Variants in ARHGAP15 observed in about 807,000 individuals in gnomAD.
The protein encoded by ARHGAP15 is rho GTPase-activating protein 15.
A neutral mutation model predicts 63.7 loss-of-function variants in ARHGAP15; 51 were observed. The observed-to-expected ratio is 0.80, with a 90% CI of 0.64 to 1.01. The LOEUF (loss-of-function observed/expected upper bound fraction) is 1.01, where lower values mean the gene tolerates loss of function less well. Ranked by LOEUF, ARHGAP15 falls within the 50% of genes least tolerant of loss-of-function variation. The pLI is 0.00. For missense variants in ARHGAP15, 560 were observed against 564.6 expected (o/e 0.99, Z 0.08); for synonymous variants, 191 against 193.8 (o/e 0.99, Z 0.12).
rs536145262 is a variant in ARHGAP15, at chr2:143,563,219, G to T, written c.1003+6734G>T. On this transcript the variant is annotated intron_variant, in intron 11 of 13. Coordinates refer to ENST00000295095, the MANE Select transcript of ARHGAP15 (RefSeq NM_018460.4). ...TGTGAGGACTTTAAAAAGTGAATCA[G>T]CCAGGGGATAGTTATTATTAACTTT... Among the ~76,000 whole-genome samples the T allele has an allele frequency of 1.6e-4, 24 of 152,308 alleles. 1 individual carries two copies. In the South Asian group the frequency reaches 5.0e-3, roughly 32 times the overall value.
chr2:143,387,094 T>C (rs13014455), intron 6 of ARHGAP15, among the ~76,000 whole-genome samples: 29,947 of 151,920 alleles, frequency 0.2, 3,598 homozygotes, highest in East Asian at 0.49. Context: ...TACAACAAAC[T>C]GCCGTGACAC....
At chr2:143,416,523 T>C (rs950132115) in intron 6 of ARHGAP15, among the ~76,000 whole-genome samples, 8 of 152,320 alleles carry the variant, frequency 5.3e-5, no homozygotes, top group Admixed American at 2.6e-4. Flanking sequence ...TCTGTTACTC[T>C]GTCATGCTTG....
chr2:143,337,330 T>C (rs1684848230), intron 6 of ARHGAP15, among the ~76,000 whole-genome samples: 1 of 152,122 alleles, frequency 6.6e-6, no homozygotes, highest in Non-Finnish European at 1.5e-5. Flanking sequence ...GTTAAAGATT[T>C]CATATTTATT....
chr2:143,748,967 A>T (rs1465739830), intron 13 of ARHGAP15, among the ~76,000 whole-genome samples: 5 of 150,622 alleles, frequency 3.3e-5, no homozygotes, highest in Non-Finnish European at 5.9e-5. Context: ...AGAATATCTG[A>T]TTTTTTTTTT....
chr2:143,717,103 C>T (rs1187761868), intron 13 of ARHGAP15, among the ~76,000 whole-genome samples: 1 of 152,168 alleles, frequency 6.6e-6, no homozygotes, highest in Non-Finnish European at 1.5e-5. Context: ...ACACTTAGAG[C>T]ACGTTTTTTT....
At chr2:143,413,966 T>TGTGTGCGCGCGCACGCGCGCGC in intron 6 of ARHGAP15, among the ~76,000 whole-genome samples, 3 of 117,910 alleles carry the variant, frequency 2.5e-5, no homozygotes, top group African/African-American at 1.1e-4. Flanking sequence ...TGTGTGTGTG[T>TGTGTGCGCGCGCACGCGCGCGC]GCGCGCTCTC....
At chr2:143,376,798 C>T (rs1686829265) in intron 6 of ARHGAP15, among the ~76,000 whole-genome samples, 1 of 151,940 alleles carries the variant, frequency 6.6e-6, no homozygotes, top group Non-Finnish European at 1.5e-5. Context: ...AAAACATAAA[C>T]CTGGTCTCAG....
chr2:143,521,383 C>T (rs1036298532), intron 10 of ARHGAP15, among the ~76,000 whole-genome samples: 1 of 152,058 alleles, frequency 6.6e-6, no homozygotes, highest in Non-Finnish European at 1.5e-5. Context: ...GATTAATATT[C>T]TTATATTTAT....
chr2:143,440,176 A>C (rs1178749179), intron 8 of ARHGAP15, among the ~76,000 whole-genome samples: 1 of 152,116 alleles, frequency 6.6e-6, no homozygotes, highest in Non-Finnish European at 1.5e-5. Context: ...CACCCACACA[A>C]TATCAAATTA....
At chr2:143,313,620 G>A (rs986714811) in intron 6 of ARHGAP15, among the ~76,000 whole-genome samples, 5 of 152,114 alleles carry the variant, frequency 3.3e-5, no homozygotes, top group East Asian at 1.9e-4. Context: ...AATCAGAAAC[G>A]TAAGGTTTTT....
rs1341013615 is a variant in ARHGAP15, at chr2:143,738,030, TGTTC to T, written c.1245-29955_1245-29952del. 4.6e-5 allele frequency among the ~76,000 whole-genome samples: 7 copies of T among 152,262 alleles called. No individual in the cohort carries two copies. The Middle Eastern group carries it at 0.01, about 222-fold the overall frequency. On this transcript the variant is annotated intron_variant, in intron 13 of 13. Transcript: ENST00000295095. ...ATCTCAGCCTCCCAAAGTTGAAACC[TGTTC>T]GTTTACTGCATTGCAATCCTCAGAA...
At chr2:143,239,600 C>A (rs1574137515) in intron 5 of ARHGAP15, among the ~76,000 whole-genome samples, 2 of 152,132 alleles carry the variant, frequency 1.3e-5, no homozygotes, top group East Asian at 3.9e-4. Context: ...TCAGCCATAA[C>A]CTTGAAAGCA....
chr2:143,137,771 C>G (rs763558656), intron 1 of ARHGAP15, among the ~76,000 whole-genome samples: 9 of 151,978 alleles, frequency 5.9e-5, no homozygotes, highest in Non-Finnish European at 1.0e-4. Flanking sequence ...GTAGAATGCT[C>G]AGGAAATTGG....
intron 4 of ARHGAP15, among the ~76,000 whole-genome samples, chr2:143,217,972 G>C (rs1163864624): frequency 6.6e-6 from 1 of 152,080 alleles, no homozygotes; most frequent in Non-Finnish European, 1.5e-5. Context: ...GTGTGGTTTT[G>C]TAAAGTATCC....
intron 2 of ARHGAP15, among the ~76,000 whole-genome samples, chr2:143,192,682 A>T (rs1232743350): frequency 6.6e-6 from 1 of 151,918 alleles, no homozygotes. Context: ...TTCCATTAAG[A>T]CCTCCAGTCA....
chr2:143,556,093 G>T (rs1314522674), intron 10 of ARHGAP15, among the ~76,000 whole-genome samples: 1 of 151,936 alleles, frequency 6.6e-6, no homozygotes, highest in Non-Finnish European at 1.5e-5. Context: ...ACAAACGTCT[G>T]GAGGTTTCCC....
intron 6 of ARHGAP15, among the ~76,000 whole-genome samples, chr2:143,428,465 G>T (rs542410512): frequency 6.6e-6 from 1 of 151,860 alleles, no homozygotes; most frequent in South Asian, 2.1e-4. Context: ...GTTTCAGAGG[G>T]ATCACTTTGG....
At chr2:143,167,539 G>A (rs1690592561) in intron 2 of ARHGAP15, among the ~76,000 whole-genome samples, 1 of 152,022 alleles carries the variant, frequency 6.6e-6, no homozygotes, top group Admixed American at 6.6e-5. Context: ...ACCTGAGCTT[G>A]CCACCACTCA....
chr2:143,360,384 CAAAAAT>C (rs2105333888), intron 6 of ARHGAP15, among the ~76,000 whole-genome samples: 1 of 150,866 alleles, frequency 6.6e-6, no homozygotes, highest in East Asian at 1.9e-4. Context: ...GACCTCATCT[CAAAAAT>C]AAAAAAGAAC....
Sources: allele counts gnomAD v4.1 joint callset (sites outside exome capture counted in the v4.1 genomes callset), GRCh38; gene constraint gnomAD v4.1.1; transcripts MANE v1.5; gene names NCBI Gene and HGNC (gene_info 2026-07-23, HGNC 2026-07-21).